DNAH1: variants seen among roughly 807,000 people sequenced by gnomAD.
DNAH1 encodes the protein dynein axonemal heavy chain 1.
Under a neutral mutation model 484.3 loss-of-function variants are expected in DNAH1, and 327 were observed. The observed-to-expected ratio is 0.68, with a 90% CI of 0.62 to 0.74. The LOEUF (loss-of-function observed/expected upper bound fraction) is 0.74, where lower values mean the gene tolerates loss of function less well. Ranked by LOEUF, DNAH1 falls within the 30% of genes least tolerant of loss-of-function variation. DNAH1 has a pLI of 0.00. For synonymous variants in DNAH1, 2,192 were observed against 2,191.9 expected, an observed-to-expected ratio of 1.00 and a Z score of 0.00; for missense variants, 5,052 against 5,546.8, an observed-to-expected ratio of 0.91 and a Z score of 2.83.
At chr3:52,334,200 T>C (rs1212541129) in intron 8 of DNAH1, among the ~76,000 whole-genome samples, 5 of 152,194 alleles carry the variant, frequency 3.3e-5, no homozygotes, top group Non-Finnish European at 7.3e-5. Flanking sequence ...CTGTGATTAC[T>C]GAATACTGCA....
At chr3:52,376,724 C>A (rs1703620634) in intron 46 of DNAH1, among the ~76,000 whole-genome samples, 1 of 152,194 alleles carries the variant, frequency 6.6e-6, no homozygotes, top group Non-Finnish European at 1.5e-5. Flanking sequence ...CCCAGCCCGT[C>A]ACTCTACCTC....
At chr3:52,383,837 C>T in intron 51 of DNAH1, 23 bp from the exon 52 acceptor site, 1 of 1,570,620 alleles carries the variant, frequency 6.4e-7, no homozygotes, top group Non-Finnish European at 8.7e-7. Flanking sequence ...CTCTGGACCT[C>T]ATTTGGATTC....
chr3:52,374,286 A>C (rs1206787730), intron 44 of DNAH1: 4 of 1,529,744 alleles, frequency 2.6e-6, no homozygotes, highest in South Asian at 1.1e-5. Flanking sequence ...AAAGAAGAAC[A>C]CAAGATTTTC....
chr3:52,323,919 G>C, intron 3 of DNAH1, 39 bp downstream of exon 3: 2 of 1,503,078 alleles, frequency 1.3e-6, no homozygotes, highest in Non-Finnish European at 1.8e-6. Flanking sequence ...GGTCCCGGTA[G>C]GTATTTCAAA....
chr3:52,365,105 C>A, intron 34 of DNAH1, 86 bp downstream of exon 34: 2 of 1,500,892 alleles, frequency 1.3e-6, no homozygotes, highest in Non-Finnish European at 8.9e-7. Context: ...CAGGACAGTC[C>A]AACCCCAGGG....
chr3:52,388,737 G>A (rs1257612316), intron 58 of DNAH1, 69 bp from the exon 59 acceptor site: 18 of 1,606,226 alleles, frequency 1.1e-5, no homozygotes, highest in Non-Finnish European at 1.5e-5. Flanking sequence ...AGGTGCCACA[G>A]TGGGTAGGGC....
At position 52,368,784 on chromosome 3, in the gene DNAH1, A is replaced by G; in HGVS notation, c.5809A>G (p.Thr1937Ala). The G allele has an allele frequency of 1.2e-6, 2 of 1,613,836 alleles. No individual in the cohort carries two copies. The highest frequency in any genetic ancestry group is 1.1e-5 in the South Asian group (1 of 91,064). ...CTCGTTCATCCGGGCGGGGGCCATC[A>G]CCTCCGACACCAACAAGAAGTGGTA... ...FSSFIRAGAI[T>A]SDTNKKWYMF... is the part of the protein sequence containing the mutation. The change falls in exon 37 of 78, where the codon ACC becomes GCC. Residue 1937 changes from threonine (T) to alanine (A), a missense_variant. Thr to Ala is a moderately conservative substitution (Grantham distance 58). Transcript: ENST00000420323. The surrounding 1 kb of genome is among the most constrained non-coding windows in gnomAD (Gnocchi z 4.4).
At position 52,345,742 on chromosome 3, in the gene DNAH1, G is replaced by A. The variant is rs570804668; in HGVS notation, c.1656+36G>A. 7.6e-6 allele frequency: 12 copies of A among 1,587,722 alleles called. No individual in the cohort carries two copies. The South Asian group carries it at 1.0e-4, about 14-fold the overall frequency. ...ATCAAGGGCACAGGGGGCAAACGCA[G>A]GGCAGACCCTTGGAACTGGCAGGCA... On this transcript the variant is annotated intron_variant, in intron 10 of 77. Transcript: ENST00000420323.
intron 2 of DNAH1, among the ~76,000 whole-genome samples, chr3:52,323,165 C>G (rs1701212093): frequency 6.6e-6 from 1 of 152,124 alleles, no homozygotes; most frequent in African/African-American, 2.4e-5. Context: ...TGATGTACTG[C>G]TGAGATCTAA....
At chr3:52,363,738 TC>T (rs1297335725) in intron 32 of DNAH1, among the ~76,000 whole-genome samples, 1 of 152,146 alleles carries the variant, frequency 6.6e-6, no homozygotes, top group East Asian at 1.9e-4. Flanking sequence ...CAGAAAAAAA[TC>T]CCTGTTGTCA....
intron 20 of DNAH1, 40 bp from the exon 21 acceptor site, chr3:52,354,803 G>A (rs747532043): frequency 2.6e-5 from 41 of 1,603,840 alleles, no homozygotes; most frequent in Middle Eastern, 4.1e-4. Context: ...ATCAGGACCA[G>A]CCCCTCCCAG....
At position 52,388,286 on chromosome 3, in the gene DNAH1, C is replaced by T. The variant is rs368440271; in HGVS notation, c.9123C>T (p.Arg3041=). The T allele has an allele frequency of 1.8e-5, 29 of 1,601,444 alleles. No individual in the cohort carries two copies. The highest frequency in any genetic ancestry group is 2.2e-5 in the Non-Finnish European group (26 of 1,174,282). Residue 3041 remains arginine, a synonymous_variant, in exon 57 of 78, where the codon CGC becomes CGT. Coordinates refer to ENST00000420323, the MANE Select transcript of DNAH1 (RefSeq NM_015512.5). ...KACTSICQWV[R]AMHKYHFVAK... is the part of the protein sequence containing the mutation. ...GCACCTCCATCTGCCAGTGGGTGCG[C>T]GCCATGCACAAGTACCACTTTGTGG... is the stretch of plus-strand genomic sequence containing the variant.
rs769260635 is a variant in DNAH1, at chr3:52,392,946, C to T, written c.10395C>T (p.Asn3465=). 1.1e-5 allele frequency: 17 copies of T among 1,613,608 alleles called. No homozygotes were observed. Among genetic ancestry groups the T allele is most frequent in the South Asian group, 7.7e-5 (7 of 91,066 alleles). Residue 3465 remains asparagine, a synonymous_variant, in exon 65 of 78, where the codon AAC becomes AAT. Coordinates refer to ENST00000420323, the MANE Select transcript of DNAH1 (RefSeq NM_015512.5). ...ILFFCVSDLA[N]VDPMYQYSLE... ...TCTTCTGTGTGTCCGACCTGGCCAA[C>T]GTGGACCCCATGTACCAGTACTCCC... is the stretch of plus-strand genomic sequence containing the variant.
In DNAH1 at chr3:52,355,086, G is replaced by C. The variant is rs768594365; in HGVS notation, c.3693+31G>C. ...CCCTCCCCCCAGTCCTTCCCTCATCGCTCCCCCACTTCAGAGAGCCCGACC... is the reference window on the plus strand; with the variant it reads ...CCCTCCCCCCAGTCCTTCCCTCATCCCTCCCCCACTTCAGAGAGCCCGACC... On this transcript the variant is annotated intron_variant, in intron 21 of 77. Transcript: ENST00000420323. This position sits in a 1 kb window ranked among gnomAD's most constrained non-coding sequence, Gnocchi z 4.5. 6.2e-7 allele frequency: 1 copy of C among 1,602,854 alleles called. No individual in the cohort carries two copies. The highest frequency in any genetic ancestry group is 1.7e-5 in the Admixed American group (1 of 59,980).
chr3:52,342,817 G>A (rs1306787945), intron 8 of DNAH1, among the ~76,000 whole-genome samples: 1 of 152,232 alleles, frequency 6.6e-6, no homozygotes, highest in African/African-American at 2.4e-5. Context: ...GTTCTGACAC[G>A]TTGTAAGGCA....
At chr3:52,383,618 G>T in intron 51 of DNAH1, 24 bp downstream of exon 51, 1 of 1,542,080 alleles carries the variant, frequency 6.5e-7, no homozygotes, top group South Asian at 1.2e-5. Context: ...TCGCCAGGCT[G>T]CGCTGGGGCA....
Position 52,356,487 on chromosome 3 carries a change from A to G in DNAH1, c.3694-127A>G, listed in dbSNP as rs1386721130. On this transcript the variant is annotated intron_variant, in intron 21 of 77. Coordinates refer to ENST00000420323, the MANE Select transcript of DNAH1 (RefSeq NM_015512.5). Reference sequence around the variant, plus strand: ...ACCATCTAGAAATCTCCCTGTAGACACTGGCTTTGGTGTCCAGTGCTCTGC... The same window carrying G: ...ACCATCTAGAAATCTCCCTGTAGACGCTGGCTTTGGTGTCCAGTGCTCTGC... The G allele has an allele frequency of 5.6e-6, 5 of 890,420 alleles. No individual in the cohort carries two copies. The African/African-American group carries it at 6.7e-5, about 12-fold the overall frequency. The allele number at this position is 890,420 out of a possible 1,614,324, so 55.2% of individuals were successfully genotyped here.
chr3:52,356,645 G>T lies in DNAH1; in HGVS notation c.3725G>T (p.Arg1242Leu), dbSNP rs574664508. The T allele has an allele frequency of 6.2e-7, 1 of 1,613,598 alleles. No individual in the cohort carries two copies. The highest frequency in any genetic ancestry group is 1.1e-5 in the South Asian group (1 of 91,066). The change falls in exon 22 of 78, where the codon CGG (arginine) becomes CTG (leucine). Residue 1242 changes from arginine (R) to leucine (L), a missense_variant. Transcript: ENST00000420323. The part of the protein sequence containing the change: ...EVLEEWLNCQ[R>L]SWLYLEPIFS... ...CTGGAGGAGTGGCTGAACTGTCAGC[G>T]GTCCTGGCTCTACCTGGAGCCCATC... is the stretch of plus-strand genomic sequence containing the variant.
Position 52,326,274 on chromosome 3 carries a change from G to A in DNAH1, c.541G>A (p.Val181Met). 1 of 1,611,478 alleles carries A rather than the reference G, an allele frequency of 6.2e-7. No homozygotes were observed. Among genetic ancestry groups the A allele is most frequent in the Non-Finnish European group, 8.5e-7 (1 of 1,179,786 alleles). Reference protein sequence around the residue: ...YEPKMQVPFQVLPGQHPRKIE... With the variant: ...YEPKMQVPFQMLPGQHPRKIE... The stretch of plus-strand genomic sequence containing the variant: ...GCCCAAGATGCAGGTGCCTTTCCAG[G>A]TGCTGCCAGGCCAGCATCCTCGCAA... Residue 181 changes from valine to methionine, a missense_variant, in exon 4 of 78, where the codon GTG (valine) becomes ATG (methionine). Physicochemically the swap from Val to Met is conservative, Grantham distance 21. Around this residue, in one of 4 missense-constraint regions of DNAH1, gnomAD observed 1,263 missense variants for 1,218.8 expected, o/e 1.04. Coordinates refer to ENST00000420323, the MANE Select transcript of DNAH1 (RefSeq NM_015512.5).
Sources: gnomAD v4.1 joint callset for allele counts (sites outside exome capture counted in the v4.1 genomes callset) on GRCh38, gnomAD v4.1.1 for gene constraint, gnomAD v4.1.1 regional missense constraint, Gnocchi (gnomAD v3.1) non-coding constraint, MANE v1.5 for transcripts, NCBI Gene and HGNC (gene_info 2026-07-23, HGNC 2026-07-21) for gene names.